The following C22orf39 variants were observed in gnomAD, a reference collection of about 807,000 sequenced individuals.
C22orf39 encodes chromosome 22 open reading frame 39, also known as synaptic plasticity regulator PANTS.
C22orf39 carries 20 observed loss-of-function variants against 18.3 expected under a neutral mutation model. That is an observed-to-expected ratio of 1.09 (90% confidence interval 0.77 to 1.59). The LOEUF (loss-of-function observed/expected upper bound fraction) is 1.59, where lower values mean the gene tolerates loss of function less well. Ranked by LOEUF, C22orf39 falls within the 40% of genes most tolerant of loss-of-function variation. The pLI is 0.00. For missense variants in C22orf39, 195 were observed against 156.1 expected, an observed-to-expected ratio of 1.25 and a Z score of -1.33; for synonymous variants, 63 against 59.6, an observed-to-expected ratio of 1.06 and a Z score of -0.26.
Position 19,443,409 on chromosome 22 carries a change from G to A in C22orf39, c.*856C>T. 1.0e-6 allele frequency: 1 copy of A among 985,748 alleles called. No individual in the cohort carries two copies. The highest frequency in any genetic ancestry group is 1.7e-5 in the African/African-American group (1 of 57,324). The allele number at this position is 985,748 out of a possible 1,614,324, so 61.1% of individuals were successfully genotyped here. ...ATACATTTTAAAACACTTAACAAGAGAATAAGCATACAAATTTCTAATACT... is the reference window on the plus strand; with the variant it reads ...ATACATTTTAAAACACTTAACAAGAAAATAAGCATACAAATTTCTAATACT... On this transcript the variant is annotated 3_prime_UTR_variant, in exon 3 of 3. Coordinates refer to ENST00000399562, the MANE Select transcript of C22orf39 (RefSeq NM_173793.5).
Position 19,447,400 on chromosome 22 carries a change from T to C in C22orf39, c.170A>G (p.Glu57Gly). The C allele has an allele frequency of 6.6e-7, 1 of 1,504,170 alleles. No homozygotes were observed. The highest frequency in any genetic ancestry group is 1.2e-5 in the South Asian group (1 of 80,858). 93.2% of individuals were successfully genotyped at this position (1,504,170 alleles called of 1,614,324 possible). The change falls in exon 2 of 3, where the codon GAG becomes GGG. Residue 57 changes from glutamate (E) to glycine (G), a missense_variant. Physicochemically the swap from Glu to Gly is moderately conservative, Grantham distance 98 (BLOSUM62 -2). Transcript: ENST00000399562. Reference sequence around the variant, plus strand: ...CACCTGGGCCTCGGCGTTCCGGCGCTCCTCCCAGTCGCGGCAGCTGGCCAG... The same window carrying C: ...CACCTGGGCCTCGGCGTTCCGGCGCCCCTCCCAGTCGCGGCAGCTGGCCAG... ...RDLASCRDWE[E>G]RRNAEAQQSL...
rs1601878325 is a variant in C22orf39 at position 19,444,188 on chromosome 22, T to G, written c.*77A>C. On this transcript the variant is annotated 3_prime_UTR_variant, in exon 3 of 3. Coordinates refer to ENST00000399562, the MANE Select transcript of C22orf39 (RefSeq NM_173793.5). ...GGACCCACCAGACTGTGTAGGCTGG[T>G]CACAGTCCCCAGGGCTGTGCAACAG... 1.4e-6 allele frequency: 2 copies of G among 1,464,964 alleles called. No homozygotes were observed. Among genetic ancestry groups the G allele is most frequent in the South Asian group, 1.5e-5 (1 of 68,288 alleles). 90.7% of individuals were successfully genotyped at this position (1,464,964 alleles called of 1,614,324 possible). A position where few individuals can be genotyped will look rare whatever the true frequency, so the allele number is the denominator to read the frequency against.
At position 19,447,261 on chromosome 22, in the gene C22orf39, G is replaced by A. The variant is rs538513162; in HGVS notation, c.192+117C>T. ...TCTCTCAAAAGAAAGGAAGCGTGAG[G>A]AGGATAGGGACCCCGTCAGTCCCCG... On this transcript the variant is annotated intron_variant, in intron 2 of 2. Transcript: ENST00000399562. 2.7e-3 allele frequency: 2,915 copies of A among 1,073,458 alleles called. 7 individuals are homozygous for A. Among genetic ancestry groups the A allele is most frequent in the Non-Finnish European group, 3.3e-3 (2,622 of 803,860 alleles). 66.5% of individuals were successfully genotyped at this position (1,073,458 alleles called of 1,614,324 possible). A position where few individuals can be genotyped will look rare whatever the true frequency, so the allele number is the denominator to read the frequency against.
rs2146276248 is a variant in C22orf39, at chr22:19,443,618, T to C, written c.*647A>G. ...TTCAGCTGAGTCCACAAACCCTCTT[T>C]ATGCAAGGTTGTGTGTTCTGTAGCT... On this transcript the variant is annotated 3_prime_UTR_variant, in exon 3 of 3. Coordinates refer to ENST00000399562, the MANE Select transcript of C22orf39 (RefSeq NM_173793.5). The C allele has an allele frequency of 1.0e-6, 1 of 985,442 alleles. No homozygotes were observed. The highest frequency in any genetic ancestry group is 5.2e-4 in the Middle Eastern group (1 of 1,914). The allele number at this position is 985,442 out of a possible 1,614,324, so 61.0% of individuals were successfully genotyped here. A position where few individuals can be genotyped will look rare whatever the true frequency, so the allele number is the denominator to read the frequency against.
At chr22:19,445,674 T>C (rs1240800061) in intron 2 of C22orf39, among the ~76,000 whole-genome samples, 3 of 151,870 alleles carry the variant, frequency 2.0e-5, no homozygotes, top group Admixed American at 2.0e-4. Context: ...GGCCATTTGA[T>C]TTTTTCTTTT....
rs146981427 is a variant in C22orf39 at position 19,441,253 on chromosome 22, C to G, written c.*3012G>C. On this transcript the variant is annotated 3_prime_UTR_variant, in exon 3 of 3. Transcript: ENST00000399562. ...GTAACCTTTAATCTGTTTTCCATCT[C>G]TATAATTACATTATTTCACCAATGT... The G allele has an allele frequency of 6.9e-3, 1,215 of 176,650 alleles. 14 individuals carry two copies. Among genetic ancestry groups the G allele is most frequent in the African/African-American group, 0.024 (1,015 of 42,184 alleles). The allele number at this position is 176,650 out of a possible 1,614,324, so 10.9% of individuals were successfully genotyped here. A position where few individuals can be genotyped will look rare whatever the true frequency, so the allele number is the denominator to read the frequency against.
chr22:19,446,919 TTAGAC>T (rs1601879672), intron 2 of C22orf39, among the ~76,000 whole-genome samples: 1 of 152,128 alleles, frequency 6.6e-6, no homozygotes, highest in African/African-American at 2.4e-5. Context: ...CCAGCACACT[TTAGAC>T]TAAACTCTAA....
chr22:19,440,953 G>A lies in C22orf39; in HGVS notation c.*3312C>T, dbSNP rs909079932. ...GGAGGTTGCATAGGAGGTTGTCTAG[G>A]GAGGTCCTGGGTACCCTTGCCCCAG... On this transcript the variant is annotated 3_prime_UTR_variant, in exon 3 of 3. Coordinates refer to ENST00000399562, the MANE Select transcript of C22orf39 (RefSeq NM_173793.5). 4 of 152,110 alleles carry A rather than the reference G, an allele frequency of 2.6e-5. No individual in the cohort carries two copies. Among genetic ancestry groups the A allele is most frequent in the African/African-American group, 9.7e-5 (4 of 41,392 alleles). 9.4% of individuals were successfully genotyped at this position (152,110 alleles called of 1,614,324 possible).
chr22:19,447,621 C>T (rs4600757), intron 1 of C22orf39, 44 bp downstream of exon 1: 2 of 1,601,750 alleles, frequency 1.2e-6, no homozygotes, highest in African/African-American at 2.7e-5. Context: ...TTCCCTCCCT[C>T]CGGAAGACCC....
Position 19,444,253 on chromosome 22 carries a change from C to T in C22orf39, c.*12G>A. The stretch of plus-strand genomic sequence containing the variant: ...CTGAGGAAGCTGCACAGGCCAATGG[C>T]AGGGATGCTTGTCACTCGTCCTTCT... On this transcript the variant is annotated 3_prime_UTR_variant, in exon 3 of 3. Coordinates refer to ENST00000399562, the MANE Select transcript of C22orf39 (RefSeq NM_173793.5). 1.3e-6 allele frequency: 2 copies of T among 1,576,246 alleles called. No individual in the cohort carries two copies. The highest frequency in any genetic ancestry group is 2.3e-5 in the East Asian group (1 of 43,036).
intron 2 of C22orf39, 99 bp from the exon 3 acceptor site, chr22:19,444,489 G>A: frequency 2.2e-6 from 3 of 1,341,140 alleles, no homozygotes; most frequent in African/African-American, 1.5e-5. Flanking sequence ...AGATGGACAG[G>A]CAGGGCCTAT....
Position 19,444,345 on chromosome 22 carries a change from T to A in C22orf39, c.238A>T (p.Lys80Ter). 1 of 1,599,932 alleles carries A rather than the reference T, an allele frequency of 6.3e-7. No homozygotes were observed. The highest frequency in any genetic ancestry group is 1.1e-5 in the South Asian group (1 of 89,160). ...SERARVRAARKHILVWAPRQS... is the reference protein window; with the variant it reads ...SERARVRAAR ...CTCGGGGCCCACACCAGGATGTGCTTCCGTGCAGCCCGGACTCGTGCCCGC... is the reference window on the plus strand; with the variant it reads ...CTCGGGGCCCACACCAGGATGTGCTACCGTGCAGCCCGGACTCGTGCCCGC... The change falls in exon 3 of 3, where the codon AAG becomes TAG. Residue 80 changes from lysine (K) to a stop codon, truncating the protein, a stop_gained. Transcript: ENST00000399562. LOFTEE classifies it high-confidence loss of function.
intron 2 of C22orf39, 67 bp from the exon 3 acceptor site, chr22:19,444,457 C>G (rs371146764): frequency 1.6e-5 from 24 of 1,516,360 alleles, no homozygotes; most frequent in South Asian, 6.1e-5. Context: ...TACCTCCCCC[C>G]TCTCATCACC....
Position 19,447,375 on chromosome 22 carries a change from C to CAA in C22orf39, c.192+2_192+3insTT. 2.0e-6 allele frequency: 3 copies of CAA among 1,492,864 alleles called. No homozygotes were observed. Among genetic ancestry groups the CAA allele is most frequent in the Non-Finnish European group, 2.7e-6 (3 of 1,128,264 alleles). The allele number at this position is 1,492,864 out of a possible 1,614,324, so 92.5% of individuals were successfully genotyped here. The stretch of plus-strand genomic sequence containing the variant: ...AGCGCCGCCCCGCTCCCTCCCGGCG[C>CAA]ACCTGGGCCTCGGCGTTCCGGCGCT... On this transcript the variant is annotated splice_region_variant and intron_variant, in intron 2 of 2. Transcript: ENST00000399562.
chr22:19,443,085 AC>A lies in C22orf39; in HGVS notation c.*1179del, dbSNP rs552928249. ...TTGGGATCCCGTGAGCACAACCCCCACCCCCACCCCCACTGTTCACAGACAC... is the reference window on the plus strand; with the variant it reads ...TTGGGATCCCGTGAGCACAACCCCCACCCCACCCCCACTGTTCACAGACAC... On this transcript the variant is annotated 3_prime_UTR_variant, in exon 3 of 3. Coordinates refer to ENST00000399562, the MANE Select transcript of C22orf39 (RefSeq NM_173793.5). The A allele has an allele frequency of 2.8e-3, 365 of 131,156 alleles. 13 individuals carry two copies. Among genetic ancestry groups the A allele is most frequent in the African/African-American group, 0.015 (351 of 23,896 alleles). 8.1% of individuals were successfully genotyped at this position (131,156 alleles called of 1,614,324 possible). A position where few individuals can be genotyped will look rare whatever the true frequency, so the allele number is the denominator to read the frequency against.
At position 19,447,689 on chromosome 22, in the gene C22orf39, G is replaced by A. The variant is rs373294206; in HGVS notation, c.-1C>T. 5.3e-5 allele frequency: 85 copies of A among 1,610,266 alleles called. No individual in the cohort carries two copies. The highest frequency in any genetic ancestry group is 1.7e-4 in the Middle Eastern group (1 of 6,054). ...CCTGCCAGCCGCTGCCGTCCGCCAT[G>A]TCTGGGCGACCGGCGCGCCAAGCCC... On this transcript the variant is annotated 5_prime_UTR_variant, in exon 1 of 3. Coordinates refer to ENST00000399562, the MANE Select transcript of C22orf39 (RefSeq NM_173793.5).
chr22:19,447,664 C>A lies in C22orf39; in HGVS notation c.24+1G>T, dbSNP rs756906953. ...TCCCGGCTCCGACCCAGCACACTCA[C>A]CTGCCAGCCGCTGCCGTCCGCCATG... On this transcript the variant is annotated splice_donor_variant, in intron 1 of 2. Coordinates refer to ENST00000399562, the MANE Select transcript of C22orf39 (RefSeq NM_173793.5). LOFTEE classifies it high-confidence loss of function. 7 of 1,611,092 alleles carry A rather than the reference C, an allele frequency of 4.3e-6. No individual in the cohort carries two copies. The highest frequency in any genetic ancestry group is 2.2e-5 in the East Asian group (1 of 44,774).
At position 19,447,377 on chromosome 22, in the gene C22orf39, CCTGG is replaced by C; in HGVS notation, c.189_192del (p.Gln64AsnfsTer104). ...CGCCGCCCCGCTCCCTCCCGGCGCA[CCTGG>C]GCCTCGGCGTTCCGGCGCTCCTCCC... On this transcript the variant is annotated frameshift_variant and splice_region_variant, in exon 2 of 3. Coordinates refer to ENST00000399562, the MANE Select transcript of C22orf39 (RefSeq NM_173793.5). LOFTEE classifies it high-confidence loss of function. The C allele has an allele frequency of 2.0e-6, 3 of 1,494,768 alleles. No homozygotes were observed. Among genetic ancestry groups the C allele is most frequent in the Non-Finnish European group, 2.7e-6 (3 of 1,129,318 alleles). 92.6% of individuals were successfully genotyped at this position (1,494,768 alleles called of 1,614,324 possible).
chr22:19,447,706 G>T lies in C22orf39; in HGVS notation c.-18C>A. On this transcript the variant is annotated 5_prime_UTR_variant, in exon 1 of 3. Coordinates refer to ENST00000399562, the MANE Select transcript of C22orf39 (RefSeq NM_173793.5). Reference sequence around the variant, plus strand: ...TCCGCCATGTCTGGGCGACCGGCGCGCCAAGCCCGCCCCTCAGTCCGCCAG... The same window carrying T: ...TCCGCCATGTCTGGGCGACCGGCGCTCCAAGCCCGCCCCTCAGTCCGCCAG... The T allele has an allele frequency of 6.2e-7, 1 of 1,603,872 alleles. No individual in the cohort carries two copies. Among genetic ancestry groups the T allele is most frequent in the South Asian group, 1.1e-5 (1 of 89,428 alleles).
Sources: gnomAD v4.1 joint callset for allele counts (sites outside exome capture counted in the v4.1 genomes callset) on GRCh38, gnomAD v4.1.1 for gene constraint, MANE v1.5 for transcripts, NCBI Gene and HGNC (gene_info 2026-07-23, HGNC 2026-07-21) for gene names.